Variants in EFCAB12 observed in about 807,000 individuals in gnomAD.
The protein encoded by EFCAB12 is EF-hand calcium-binding domain-containing protein 12.
A neutral mutation model predicts 53.6 loss-of-function variants in EFCAB12; 43 were observed. That is an observed-to-expected ratio of 0.80 (90% confidence interval 0.63 to 1.03). EFCAB12 has a LOEUF of 1.03. Among genes scored for constraint, EFCAB12 ranks in the 50% least tolerant of loss-of-function variants. EFCAB12 has a pLI of 0.00. For missense variants in EFCAB12, 646 were observed against 730.6 expected (o/e 0.88, Z 1.34); for synonymous variants, 269 against 289.2 (o/e 0.93, Z 0.71).
chr3:129,427,190 A>G (rs113454390), intron 1 of EFCAB12, among the ~76,000 whole-genome samples: 20 of 151,716 alleles, frequency 1.3e-4, no homozygotes, highest in African/African-American at 4.8e-4. Flanking sequence ...GGATCTCACT[A>G]TGTTGCCCAG....
At chr3:129,406,333 A>G (rs997336449) in intron 6 of EFCAB12, among the ~76,000 whole-genome samples, 6 of 152,202 alleles carry the variant, frequency 3.9e-5, no homozygotes, top group African/African-American at 1.4e-4. Flanking sequence ...CACATGTGGG[A>G]GACAATGACC....
At chr3:129,428,411 C>T (rs772038637) in intron 1 of EFCAB12, 29 bp downstream of exon 1, 19 of 1,593,858 alleles carry the variant, frequency 1.2e-5, no homozygotes, top group Non-Finnish European at 1.5e-5. Context: ...GCTGAGCGCT[C>T]CCTGCAGACG....
intron 1 of EFCAB12, among the ~76,000 whole-genome samples, chr3:129,425,611 G>A (rs976459928): frequency 2.6e-5 from 4 of 152,168 alleles, no homozygotes; most frequent in African/African-American, 9.7e-5. Flanking sequence ...AAGGGTGCCT[G>A]CCCACCAAAC....
At chr3:129,407,301 G>A (rs1367640628) in intron 6 of EFCAB12, among the ~76,000 whole-genome samples, 1 of 152,286 alleles carries the variant, frequency 6.6e-6, no homozygotes, top group South Asian at 2.1e-4. Flanking sequence ...TGTGGAAGCC[G>A]CGCAGTCCAC....
At chr3:129,404,984 T>C (rs1191614483) in intron 6 of EFCAB12, among the ~76,000 whole-genome samples, 1 of 152,148 alleles carries the variant, frequency 6.6e-6, no homozygotes, top group South Asian at 2.1e-4. Flanking sequence ...GGCTGATTTC[T>C]TAAATTTTTA....
intron 3 of EFCAB12, among the ~76,000 whole-genome samples, chr3:129,415,735 C>T (rs1296932031): frequency 6.6e-6 from 1 of 152,192 alleles, no homozygotes; most frequent in East Asian, 1.9e-4. Context: ...CTACCAGTCT[C>T]AATGGCAGCA....
At chr3:129,408,423 C>T (rs2071981510) in intron 6 of EFCAB12, among the ~76,000 whole-genome samples, 1 of 152,214 alleles carries the variant, frequency 6.6e-6, no homozygotes, top group South Asian at 2.1e-4. Context: ...AGTTGTGGAA[C>T]CCAGACCTCC....
At chr3:129,416,450 A>AAAC (rs1559789371) in intron 3 of EFCAB12, among the ~76,000 whole-genome samples, 2 of 146,806 alleles carry the variant, frequency 1.4e-5, no homozygotes, top group African/African-American at 5.2e-5. Context: ...AACAAACAAA[A>AAAC]AAATGAACTC....
At chr3:129,421,958 A>T (rs527972278) in intron 1 of EFCAB12, among the ~76,000 whole-genome samples, 155 bp from the exon 2 acceptor site, 1 of 152,198 alleles carries the variant, frequency 6.6e-6, no homozygotes, top group African/African-American at 2.4e-5. Flanking sequence ...GGATAATTTC[A>T]TCTAATGTTA....
intron 6 of EFCAB12, 94 bp downstream of exon 6, chr3:129,408,551 G>A: frequency 7.5e-7 from 1 of 1,326,874 alleles, no homozygotes; most frequent in Non-Finnish European, 1.0e-6. Context: ...ACAGTGGCTT[G>A]AATGGCTGCA....
At position 129,421,620 on chromosome 3, in the gene EFCAB12, T is replaced by A. The variant is rs747302131; in HGVS notation, c.233A>T (p.Gln78Leu). Reference protein sequence around the residue: ...QTPLNPASQPQAPPKPIPSFK... With the variant: ...QTPLNPASQPLAPPKPIPSFK... ...GCTGGGGATGGGCTTTGGGGGAGCC[T>A]GAGGTTGGGATGCAGGATTAAGGGG... The change falls in exon 2 of 9, where the codon CAG becomes CTG. Residue 78 changes from glutamine to leucine, a missense_variant. Physicochemically the swap from Gln to Leu is moderately radical, Grantham distance 113. Transcript: ENST00000505956. The A allele has an allele frequency of 6.2e-7, 1 of 1,613,814 alleles. No individual in the cohort carries two copies. The highest frequency in any genetic ancestry group is 8.5e-7 in the Non-Finnish European group (1 of 1,179,880).
chr3:129,414,460 C>A (rs972191192), intron 4 of EFCAB12: 6 of 152,330 alleles, frequency 3.9e-5, no homozygotes, highest in African/African-American at 1.4e-4. Context: ...TCCTGCCAAC[C>A]TGGTAGATGG....
At position 129,406,057 on chromosome 3, in the gene EFCAB12, A is replaced by G. The variant is rs1038668709; in HGVS notation, c.1250-1654T>C. Reference sequence around the variant, plus strand: ...GCAAGACCCCATCTCTTAAAAAAAAAAAAAAAGTGGCTCGATATTCTGGTG... The same window carrying G: ...GCAAGACCCCATCTCTTAAAAAAAAGAAAAAAGTGGCTCGATATTCTGGTG... On this transcript the variant is annotated intron_variant, in intron 6 of 8. Transcript: ENST00000505956. Among the ~76,000 whole-genome samples the G allele has an allele frequency of 3.9e-5, 6 of 152,152 alleles. No homozygotes were observed. The East Asian group carries it at 1.2e-3, about 29-fold the overall frequency.
In EFCAB12 at chr3:129,401,693, T is replaced by C; in HGVS notation, c.1619A>G (p.Tyr540Cys). ...GTGGTCAGGGTGGTAGGTGGCTGGGTAGACATGGGGCTGGTGTTGAACACA... is the reference window on the plus strand; with the variant it reads ...GTGGTCAGGGTGGTAGGTGGCTGGGCAGACATGGGGCTGGTGTTGAACACA... ...FSCVQHQPHV[Y>C]PATYHPDHWW... is the part of the protein sequence containing the mutation. Residue 540 changes from tyrosine to cysteine, a missense_variant, in exon 9 of 9, where the codon TAC becomes TGC. By Grantham distance (194) the Tyr-to-Cys change is radical. Coordinates refer to ENST00000505956, the MANE Select transcript of EFCAB12 (RefSeq NM_207307.3). 1 of 1,591,980 alleles carries C rather than the reference T, an allele frequency of 6.3e-7. No homozygotes were observed. Among genetic ancestry groups the C allele is most frequent in the South Asian group, 1.1e-5 (1 of 87,620 alleles).
At chr3:129,405,418 G>T (rs1473843271) in intron 6 of EFCAB12, among the ~76,000 whole-genome samples, 1 of 152,182 alleles carries the variant, frequency 6.6e-6, no homozygotes, top group Non-Finnish European at 1.5e-5. Context: ...ATTTTCAAAA[G>T]GTACACATGA....
intron 1 of EFCAB12, among the ~76,000 whole-genome samples, chr3:129,424,515 G>A (rs182845026): frequency 7.2e-5 from 11 of 152,274 alleles, no homozygotes; most frequent in Non-Finnish European, 8.8e-5. Context: ...AGTTTCCTGA[G>A]GCCTCCCCAG....
chr3:129,408,792 CAA>C lies in EFCAB12; in HGVS notation c.1100_1101del (p.Phe367Ter), dbSNP rs1437026255. On this transcript the variant is annotated frameshift_variant, in exon 6 of 9. Coordinates refer to ENST00000505956, the MANE Select transcript of EFCAB12 (RefSeq NM_207307.3). LOFTEE classifies it high-confidence loss of function. ...ATGGTGGACGGGAGGCAGTGCTCAT[CAA>C]AGTGCCGATTCCCACAGCGCACCAG... ...CHLVRCGNRH[F>X]DEHCLPSTIH... 1 of 1,578,036 alleles carries C rather than the reference CAA, an allele frequency of 6.3e-7. No homozygotes were observed. The highest frequency in any genetic ancestry group is 8.6e-7 in the Non-Finnish European group (1 of 1,161,690).
At position 129,404,297 on chromosome 3, in the gene EFCAB12, C is replaced by T. The variant is rs368477705; in HGVS notation, c.1356G>A (p.Leu452=). 3.1e-6 allele frequency: 5 copies of T among 1,613,906 alleles called. No homozygotes were observed. The highest frequency in any genetic ancestry group is 4.2e-6 in the Non-Finnish European group (5 of 1,179,860). The part of the protein sequence containing the change: ...YSDWKVFSPN[L]ALLRSQGPGK... ...CAGGGCCCTGGGACCGGAGCAGAGC[C>T]AGATTCGGAGAAAAGACCTTCCAGT... The change falls in exon 7 of 9, where the codon CTG becomes CTA. Residue 452 remains leucine, a synonymous_variant. Coordinates refer to ENST00000505956, the MANE Select transcript of EFCAB12 (RefSeq NM_207307.3).
At chr3:129,411,409 C>A (rs554326642) in intron 4 of EFCAB12, 55 bp from the exon 5 acceptor site, 5 of 1,503,048 alleles carry the variant, frequency 3.3e-6, no homozygotes, top group East Asian at 2.3e-5. Context: ...TGCCCAGCCA[C>A]GGAACCTGCC....
Sources: allele counts gnomAD v4.1 joint callset (sites outside exome capture counted in the v4.1 genomes callset), GRCh38; gene constraint gnomAD v4.1.1; transcripts MANE v1.5; gene names NCBI Gene and HGNC (gene_info 2026-07-23, HGNC 2026-07-21).